The following RNF180 variants were observed in gnomAD, a reference collection of about 807,000 sequenced individuals.
The protein encoded by RNF180 is ring finger protein 180, also known as E3 ubiquitin-protein ligase RNF180.
Under a neutral mutation model 59.2 loss-of-function variants are expected in RNF180, and 38 were observed. That is an observed-to-expected ratio of 0.64 (90% CI 0.50 to 0.84). RNF180 has a LOEUF of 0.84. Among genes scored for constraint, RNF180 ranks in the 40% least tolerant of loss-of-function variants. The pLI is 0.00. For missense variants in RNF180, 705 were observed against 700.9 expected, an observed-to-expected ratio of 1.01 and a Z score of -0.07; for synonymous variants, 262 against 240.3, an observed-to-expected ratio of 1.09 and a Z score of -0.84.
chr5:64,201,477 C>T (rs1050942929), intron 2 of RNF180, among the ~76,000 whole-genome samples: 2 of 152,120 alleles, frequency 1.3e-5, no homozygotes, highest in African/African-American at 4.8e-5. Flanking sequence ...AATTTCTTCT[C>T]TAAGAGCAGT....
intron 5 of RNF180, among the ~76,000 whole-genome samples, chr5:64,230,292 T>C (rs1012258970): frequency 2.0e-5 from 3 of 152,236 alleles, no homozygotes; most frequent in African/African-American, 7.2e-5. Flanking sequence ...CACACACATT[T>C]ATTACAGTTC....
chr5:64,227,764 C>T (rs955299587), intron 5 of RNF180, among the ~76,000 whole-genome samples: 3 of 152,174 alleles, frequency 2.0e-5, no homozygotes, highest in Non-Finnish European at 4.4e-5. Flanking sequence ...AAGGTACCTT[C>T]ATTTTGTTTG....
chr5:64,288,826 T>C (rs1742422874), intron 5 of RNF180, among the ~76,000 whole-genome samples: 1 of 152,242 alleles, frequency 6.6e-6, no homozygotes, highest in Non-Finnish European at 1.5e-5. Context: ...TAGGATCATG[T>C]CATCTGCAAA....
intron 1 of RNF180, among the ~76,000 whole-genome samples, chr5:64,169,214 AG>A (rs1224841720): frequency 2.6e-5 from 4 of 152,118 alleles, no homozygotes; most frequent in Admixed American, 2.0e-4. Context: ...CTAGTGGAGG[AG>A]CTCCGTCTAA....
chr5:64,306,564 G>A (rs760366795), intron 5 of RNF180, among the ~76,000 whole-genome samples: 3 of 151,544 alleles, frequency 2.0e-5, no homozygotes. Flanking sequence ...GCAAAGACTT[G>A]GAACCAACCC....
intron 7 of RNF180, among the ~76,000 whole-genome samples, chr5:64,350,935 A>G (rs1205261734): frequency 6.6e-6 from 1 of 151,978 alleles, no homozygotes; most frequent in Non-Finnish European, 1.5e-5. Flanking sequence ...GTTTTTTCCA[A>G]TTCTGTGAAG....
At chr5:64,202,353 G>T (rs1751797531) in intron 2 of RNF180, among the ~76,000 whole-genome samples, 1 of 152,150 alleles carries the variant, frequency 6.6e-6, no homozygotes, top group Non-Finnish European at 1.5e-5. Flanking sequence ...CCTGAGCTAT[G>T]TGCCATTTAT....
At position 64,260,241 on chromosome 5, in the gene RNF180, T is replaced by A. The variant is rs10078392; in HGVS notation, c.1227+42845T>A. On this transcript the variant is annotated intron_variant, in intron 5 of 7. Transcript: ENST00000389100. ...AATTAATGGGCCCTCGTGGCAGTTT[T>A]TCTAGGTCTGTGATTTACATCATCA... Among the ~76,000 whole-genome samples the A allele has an allele frequency of 5.4e-4, 82 of 152,340 alleles. 1 individual carries two copies. Among genetic ancestry groups the A allele is most frequent in the African/African-American group, 1.9e-3 (81 of 41,584 alleles).
At chr5:64,190,401 G>A (rs529643436) in intron 1 of RNF180, among the ~76,000 whole-genome samples, 5 of 152,090 alleles carry the variant, frequency 3.3e-5, no homozygotes, top group South Asian at 2.1e-4. Context: ...ATTTTGCCTC[G>A]TGATTAGTTA....
intron 7 of RNF180, among the ~76,000 whole-genome samples, chr5:64,346,986 A>T (rs976748679): frequency 2.6e-5 from 4 of 152,214 alleles, no homozygotes; most frequent in African/African-American, 9.6e-5. Flanking sequence ...TAATCAGAAG[A>T]AATGCAATGT....
At chr5:64,255,548 C>T (rs1033137841) in intron 5 of RNF180, among the ~76,000 whole-genome samples, 2 of 152,182 alleles carry the variant, frequency 1.3e-5, no homozygotes, top group African/African-American at 4.8e-5. Flanking sequence ...TTTATGGCTG[C>T]ATAGTATTCC....
At chr5:64,212,624 T>C (rs988749523) in intron 3 of RNF180, among the ~76,000 whole-genome samples, 1 of 152,138 alleles carries the variant, frequency 6.6e-6, no homozygotes, top group African/African-American at 2.4e-5. Flanking sequence ...TGTATACATA[T>C]ATACATAAAT....
chr5:64,197,553 A>C (rs985054021), intron 1 of RNF180, among the ~76,000 whole-genome samples: 2 of 152,212 alleles, frequency 1.3e-5, no homozygotes, highest in Non-Finnish European at 2.9e-5. Flanking sequence ...ACCACCATAT[A>C]GATGCAAAAA....
At chr5:64,288,520 T>C (rs1164172596) in intron 5 of RNF180, among the ~76,000 whole-genome samples, 2 of 152,234 alleles carry the variant, frequency 1.3e-5, no homozygotes, top group Non-Finnish European at 2.9e-5. Flanking sequence ...ATTCTTCCTA[T>C]CCATGAGGAT....
chr5:64,289,369 C>T (rs191063225), intron 5 of RNF180, among the ~76,000 whole-genome samples: 4 of 152,228 alleles, frequency 2.6e-5, no homozygotes, highest in African/African-American at 4.8e-5. Flanking sequence ...TGTTGTATCT[C>T]TGCCAGATTT....
At chr5:64,270,178 T>A (rs1475099147) in intron 5 of RNF180, among the ~76,000 whole-genome samples, 1 of 152,062 alleles carries the variant, frequency 6.6e-6, no homozygotes, top group Non-Finnish European at 1.5e-5. Context: ...TTGTCTATTT[T>A]TATTACATTT....
intron 5 of RNF180, among the ~76,000 whole-genome samples, chr5:64,293,393 G>A (rs998585392): frequency 2.6e-5 from 4 of 152,028 alleles, no homozygotes; most frequent in African/African-American, 7.2e-5. Context: ...TGAGAGCCAC[G>A]GACCGCAGCT....
chr5:64,213,425 A>C (rs967579934), intron 3 of RNF180, 133 bp from the exon 4 acceptor site: 1 of 741,572 alleles, frequency 1.3e-6, no homozygotes, highest in Admixed American at 2.4e-5. Flanking sequence ...TCAGTCTACT[A>C]ATCAGAAAAC....
At chr5:64,234,365 T>C (rs1282739146) in intron 5 of RNF180, among the ~76,000 whole-genome samples, 5 of 151,618 alleles carry the variant, frequency 3.3e-5, no homozygotes. Flanking sequence ...ACTCAGGACG[T>C]TGAGGCAGGA....
Sources: gnomAD v4.1 joint callset for allele counts (sites outside exome capture counted in the v4.1 genomes callset) on GRCh38, gnomAD v4.1.1 for gene constraint, MANE v1.5 for transcripts, NCBI Gene and HGNC (gene_info 2026-07-23, HGNC 2026-07-21) for gene names.